The following DPF3 variants were observed in gnomAD, a reference collection of about 807,000 sequenced individuals.
DPF3 encodes the protein double PHD fingers 3.
DPF3 carries 18 observed loss-of-function variants against 56.8 expected under a neutral mutation model. That is an observed-to-expected ratio of 0.32 (90% CI 0.22 to 0.47). The LOEUF (loss-of-function observed/expected upper bound fraction) is 0.47. Among genes scored for constraint, DPF3 ranks in the 20% least tolerant of loss-of-function variants. The pLI, the probability that DPF3 is intolerant of heterozygous loss-of-function variation, is 1.00. For synonymous variants in DPF3, 188 were observed against 180.2 expected (o/e 1.04, Z -0.35); for missense variants, 403 against 488.8 (o/e 0.82, Z 1.65).
chr14:72,831,111 AG>A, intron 1 of DPF3, among the ~76,000 whole-genome samples: 1 of 152,306 alleles, frequency 6.6e-6, no homozygotes, highest in African/African-American at 2.4e-5. Flanking sequence ...GGACAGAAAA[AG>A]GAGGTGGCAA....
chr14:72,838,998 G>A (rs557558949), intron 1 of DPF3, among the ~76,000 whole-genome samples: 5 of 134,100 alleles, frequency 3.7e-5, no homozygotes, highest in Non-Finnish European at 3.0e-5. Flanking sequence ...TCGGCTCACT[G>A]CAAACTCTGC....
intron 2 of DPF3, among the ~76,000 whole-genome samples, chr14:72,761,849 A>T (rs965564598): frequency 8.6e-5 from 13 of 151,912 alleles, no homozygotes; most frequent in African/African-American, 3.1e-4. Context: ...CATTCAAATT[A>T]ACAATATAAT....
intron 1 of DPF3, among the ~76,000 whole-genome samples, chr14:72,829,422 T>C (rs910775466): frequency 6.6e-6 from 1 of 152,254 alleles, no homozygotes; most frequent in African/African-American, 2.4e-5. Flanking sequence ...TCTTGCTCTG[T>C]TGCCCAGGCT....
At chr14:72,664,717 A>G (rs1886375632) in intron 8 of DPF3, among the ~76,000 whole-genome samples, 1 of 152,188 alleles carries the variant, frequency 6.6e-6, no homozygotes, top group Admixed American at 6.5e-5. Context: ...AGCATCCTCT[A>G]TGCATAGAGT....
At chr14:72,873,715 C>T (rs1394873715) in intron 1 of DPF3, among the ~76,000 whole-genome samples, 2 of 152,122 alleles carry the variant, frequency 1.3e-5, no homozygotes, top group Non-Finnish European at 2.9e-5. Context: ...AAATGTGGCA[C>T]ATATACACCA....
chr14:72,638,050 G>A (rs554388376), intron 8 of DPF3, among the ~76,000 whole-genome samples: 2 of 152,316 alleles, frequency 1.3e-5, no homozygotes, highest in South Asian at 4.1e-4. Flanking sequence ...GAGGCCTTGG[G>A]TAAGGTTCCA....
At chr14:72,885,288 T>C (rs1886499650) in intron 1 of DPF3, among the ~76,000 whole-genome samples, 1 of 151,790 alleles carries the variant, frequency 6.6e-6, no homozygotes, top group Non-Finnish European at 1.5e-5. Context: ...GTAATACTAT[T>C]AGGTTTGGGT....
chr14:72,725,601 T>C (rs1889374264), intron 4 of DPF3, among the ~76,000 whole-genome samples: 1 of 152,172 alleles, frequency 6.6e-6, no homozygotes, highest in Non-Finnish European at 1.5e-5. Flanking sequence ...AGTACCATAC[T>C]ACACAGGGTA....
chr14:72,755,225 C>T (rs1012734413), intron 2 of DPF3, among the ~76,000 whole-genome samples: 42 of 152,202 alleles, frequency 2.8e-4, no homozygotes, highest in African/African-American at 9.7e-4. Context: ...CAAAGGTCTA[C>T]GTGGCAAGAG....
chr14:72,790,109 A>G (rs1487668158), intron 1 of DPF3, among the ~76,000 whole-genome samples: 3 of 151,854 alleles, frequency 2.0e-5, no homozygotes, highest in Non-Finnish European at 4.4e-5. Context: ...TTAATTGGCC[A>G]GGCACAATGG....
intron 1 of DPF3, among the ~76,000 whole-genome samples, chr14:72,795,296 ATATATAT>A (rs1194305789): frequency 8.3e-5 from 8 of 96,288 alleles, no homozygotes; most frequent in African/African-American, 2.0e-4. Flanking sequence ...AAAAAAAAAA[ATATATAT>A]ATATATATAT....
chr14:72,839,840 C>T (rs879462615), intron 1 of DPF3, among the ~76,000 whole-genome samples: 7 of 152,236 alleles, frequency 4.6e-5, no homozygotes, highest in Admixed American at 1.3e-4. Context: ...TGAGAGAGGG[C>T]CCCACGGGAA....
chr14:72,822,005 T>C lies in DPF3; in HGVS notation c.33-50112A>G, dbSNP rs2140035836. 2.0e-5 allele frequency among the ~76,000 whole-genome samples: 3 copies of C among 151,850 alleles called. No individual in the cohort carries two copies. In the South Asian group the frequency reaches 6.2e-4, roughly 32 times the overall value. On this transcript the variant is annotated intron_variant, in intron 1 of 10. Coordinates refer to ENST00000556509, the MANE Select transcript of DPF3 (RefSeq NM_001280542.3). ...CTGGGTGACAGAGTGAGATCTTGTATTGAAAAAAAGAGGTGAAATTAAATA... is the reference window on the plus strand; with the variant it reads ...CTGGGTGACAGAGTGAGATCTTGTACTGAAAAAAAGAGGTGAAATTAAATA...
chr14:72,777,704 T>C (rs999038421), intron 1 of DPF3, among the ~76,000 whole-genome samples: 4 of 152,120 alleles, frequency 2.6e-5, no homozygotes, highest in Non-Finnish European at 5.9e-5. Context: ...CAAGATCTGG[T>C]CATTTAAAAG....
At chr14:72,823,399 A>G (rs748634873) in intron 1 of DPF3, among the ~76,000 whole-genome samples, 4 of 152,252 alleles carry the variant, frequency 2.6e-5, no homozygotes, top group Non-Finnish European at 5.9e-5. Context: ...TGCAGCATGC[A>G]AGGACATGGC....
intron 1 of DPF3, among the ~76,000 whole-genome samples, chr14:72,780,193 T>C (rs2139961332): frequency 6.6e-6 from 1 of 152,346 alleles, no homozygotes; most frequent in East Asian, 1.9e-4. Context: ...ATTTTTGTAT[T>C]CTGTCCTTGT....
At position 72,613,496 on chromosome 14, in the gene DPF3, G is replaced by A. The variant is rs1272328640; in HGVS notation, c.*5801C>T. Among the ~76,000 whole-genome samples, 2 of 152,196 alleles carry A rather than the reference G, an allele frequency of 1.3e-5. No homozygotes were observed. Among genetic ancestry groups the A allele is most frequent in the Non-Finnish European group, 2.9e-5 (2 of 68,034 alleles). On this transcript the variant is annotated 3_prime_UTR_variant, in exon 11 of 11. Transcript: ENST00000556509. The stretch of plus-strand genomic sequence containing the variant: ...GTGGAGCCAAAGAAGGGGAACTGTG[G>A]AAGGTCCCTCTCTCAAGGCCACCTG...
chr14:72,758,627 C>T (rs759570018), intron 2 of DPF3, among the ~76,000 whole-genome samples: 4 of 152,134 alleles, frequency 2.6e-5, no homozygotes, highest in Non-Finnish European at 5.9e-5. Flanking sequence ...GGTAACAGCG[C>T]TCGGTGTGCA....
intron 6 of DPF3, among the ~76,000 whole-genome samples, chr14:72,707,188 G>A (rs1268839880): frequency 6.6e-6 from 1 of 152,120 alleles, no homozygotes; most frequent in Non-Finnish European, 1.5e-5. Flanking sequence ...AGTATTCCAT[G>A]GTGTACATGT....
Sources: gnomAD v4.1 joint callset for allele counts (sites outside exome capture counted in the v4.1 genomes callset) on GRCh38, gnomAD v4.1.1 for gene constraint, MANE v1.5 for transcripts, NCBI Gene and HGNC (gene_info 2026-07-23, HGNC 2026-07-21) for gene names.